The following ANKZF1 variants were observed in gnomAD, a reference collection of about 807,000 sequenced individuals.
The protein encoded by ANKZF1 is ankyrin repeat and zinc finger peptidyl tRNA hydrolase 1, also known as tRNA endonuclease ANKZF1.
A neutral mutation model predicts 86.0 loss-of-function variants in ANKZF1; 84 were observed. That is an observed-to-expected ratio of 0.98 (90% CI 0.82 to 1.17). ANKZF1 has a LOEUF of 1.17. Ranked by LOEUF, ANKZF1 falls within the 50% of genes most tolerant of loss-of-function variation. The pLI is 0.00. For missense variants in ANKZF1, 893 were observed against 918.4 expected (o/e 0.97, Z 0.36); for synonymous variants, 331 against 354.2 (o/e 0.93, Z 0.74).
intron 12 of ANKZF1, 28 bp downstream of exon 12, chr2:219,235,903 G>C: frequency 1.9e-6 from 3 of 1,613,770 alleles, no homozygotes; most frequent in Non-Finnish European, 2.5e-6. Context: ...CTTGTCCATG[G>C]CAAGGCTTCC....
Position 219,233,375 on chromosome 2 carries a change from G to A in ANKZF1, c.761G>A (p.Gly254Glu), listed in dbSNP as rs770403454. 9.3e-6 allele frequency: 15 copies of A among 1,614,218 alleles called. No individual in the cohort carries two copies. Among genetic ancestry groups the A allele is most frequent in the Non-Finnish European group, 1.2e-5 (14 of 1,180,048 alleles). Residue 254 changes from glycine to glutamate, a missense_variant, in exon 7 of 14, where the codon GGG becomes GAG. Gly to Glu is a moderately conservative substitution (Grantham distance 98). Coordinates refer to ENST00000323348, the MANE Select transcript of ANKZF1 (RefSeq NM_018089.3). Reference sequence around the variant, plus strand: ...CAGGGGCTTCGGGATGCCCGAGGTGGGCCATCACACTCTGCTGGAGCCAAC... The same window carrying A: ...CAGGGGCTTCGGGATGCCCGAGGTGAGCCATCACACTCTGCTGGAGCCAAC... ...TAQGLRDARG[G>E]PSHSAGANLR... is the part of the protein sequence containing the mutation.
chr2:219,234,099 C>A, intron 8 of ANKZF1, 34 bp from the exon 9 acceptor site: 1 of 1,598,908 alleles, frequency 6.3e-7, no homozygotes, highest in Non-Finnish European at 8.5e-7. Context: ...TTCTCCTCAG[C>A]TAAGGTTGAG....
rs760248011 is a variant in ANKZF1, at chr2:219,233,207, A to G, written c.671+16A>G. On this transcript the variant is annotated intron_variant, in intron 6 of 13. Coordinates refer to ENST00000323348, the MANE Select transcript of ANKZF1 (RefSeq NM_018089.3). The stretch of plus-strand genomic sequence containing the variant: ...TATTTCAAGGGTGAGAGGGTGCTGC[A>G]TGGGGGTAAGGATGGAGTGGATCCT... The G allele has an allele frequency of 1.9e-6, 3 of 1,614,094 alleles. No homozygotes were observed. Among genetic ancestry groups the G allele is most frequent in the African/African-American group, 2.7e-5 (2 of 74,940 alleles).
rs1223960442 is a variant in ANKZF1 at position 219,232,632 on chromosome 2, T to G, written c.507T>G (p.Asn169Lys). 6.2e-7 allele frequency: 1 copy of G among 1,614,066 alleles called. No homozygotes were observed. Among genetic ancestry groups the G allele is most frequent in the Admixed American group, 1.7e-5 (1 of 60,006 alleles). Residue 169 changes from asparagine to lysine, a missense_variant, in exon 5 of 14, where the codon AAT becomes AAG. Asn to Lys is a moderately conservative substitution (Grantham distance 94, BLOSUM62 0). Coordinates refer to ENST00000323348, the MANE Select transcript of ANKZF1 (RefSeq NM_018089.3). ...ACCCTCATCGAGTTCTTTTCCAGAA[T>G]GCCCAGGGCCAGTTTCTTTATGCCT... is the stretch of plus-strand genomic sequence containing the variant. ...GFYPHRVLFQ[N>K]AQGQFLYAYR...
At chr2:219,234,012 A>G (rs890318845) in intron 8 of ANKZF1, 69 bp downstream of exon 8, 1 of 1,526,820 alleles carries the variant, frequency 6.5e-7, no homozygotes, top group African/African-American at 1.4e-5. Flanking sequence ...CTCCATTCTC[A>G]TTGGTATATC....
chr2:219,231,838 C>T (rs1201471683), intron 2 of ANKZF1, 90 bp from the exon 3 acceptor site: 4 of 1,073,936 alleles, frequency 3.7e-6, no homozygotes, highest in Non-Finnish European at 1.4e-6. Context: ...TTGTATCCTC[C>T]TCTGCTTTGT....
intron 6 of ANKZF1, 22 bp from the exon 7 acceptor site, chr2:219,233,263 TA>T: frequency 1.9e-6 from 3 of 1,614,210 alleles, no homozygotes; most frequent in Admixed American, 3.3e-5. Flanking sequence ...TGGTCTCCAG[TA>T]CTGAGTCTGT....
intron 5 of ANKZF1, 72 bp from the exon 6 acceptor site, chr2:219,233,007 G>GA: frequency 1.5e-6 from 2 of 1,372,170 alleles, no homozygotes; most frequent in Non-Finnish European, 2.1e-6. Context: ...TAATGTTTGT[G>GA]AAAATTGGCC....
chr2:219,236,463 T>C lies in ANKZF1; in HGVS notation c.*18T>C, dbSNP rs778696307. On this transcript the variant is annotated 3_prime_UTR_variant, in exon 14 of 14. Transcript: ENST00000323348. ...CTTCCTGATCTCTTACAGCTCTACC[T>C]GGGGCCAACTCAGGGACCTGAGAGG... 1.3e-6 allele frequency: 2 copies of C among 1,558,464 alleles called. No homozygotes were observed. Among genetic ancestry groups the C allele is most frequent in the Non-Finnish European group, 1.7e-6 (2 of 1,152,470 alleles).
intron 2 of ANKZF1, 122 bp downstream of exon 2, chr2:219,230,527 G>A: frequency 7.6e-7 from 1 of 1,309,446 alleles, no homozygotes; most frequent in Non-Finnish European, 1.0e-6. Flanking sequence ...CTTTCTGCTT[G>A]ATTAAATTCA....
At chr2:219,232,777 T>C in intron 5 of ANKZF1, 94 bp downstream of exon 5, 1 of 1,349,024 alleles carries the variant, frequency 7.4e-7, no homozygotes, top group Non-Finnish European at 1.0e-6. Context: ...CTGCTTCTCT[T>C]CCTTCCTGTT....
chr2:219,232,212 G>C (rs138687448), intron 3 of ANKZF1, 48 bp from the exon 4 acceptor site: 2 of 1,587,270 alleles, frequency 1.3e-6, no homozygotes, highest in Non-Finnish European at 1.7e-6. Flanking sequence ...TACAAGGCCA[G>C]GCTGGGGCAT....
rs777913781 is a variant in ANKZF1 at position 219,233,156 on chromosome 2, T to C, written c.636T>C (p.Ala212=). 6.2e-7 allele frequency: 1 copy of C among 1,614,232 alleles called. No homozygotes were observed. Among genetic ancestry groups the C allele is most frequent in the Middle Eastern group, 1.7e-4 (1 of 6,060 alleles). The change falls in exon 6 of 14, where the codon GCT becomes GCC. Residue 212 remains alanine (A), a synonymous_variant. Transcript: ENST00000323348. The part of the protein sequence containing the change: ...RGPRDCVVLM[A]AAGHFAGAIF... ...CCAGAGACTGCGTGGTGCTCATGGC[T>C]GCAGCTGGGCACTTTGCTGGTGCTA...
chr2:219,235,927 C>T, intron 12 of ANKZF1, 52 bp downstream of exon 12: 2 of 1,613,774 alleles, frequency 1.2e-6, no homozygotes, highest in Non-Finnish European at 1.7e-6. Context: ...AGGTCTAACC[C>T]CTTCCCCAGC....
intron 5 of ANKZF1, 119 bp downstream of exon 5, chr2:219,232,802 CGCTTG>C (rs1266553008): frequency 8.9e-7 from 1 of 1,124,086 alleles, no homozygotes; most frequent in African/African-American, 1.6e-5. Flanking sequence ...GTGGGTATCA[CGCTTG>C]ACAACATAGT....
rs1169749080 is a variant in ANKZF1, at chr2:219,232,060, G to A, written c.261+20G>A. Reference sequence around the variant, plus strand: ...GAACAGGTAATAGGTCAGGTGCAGAGCTAGATGTTAGAAGCAAAAGTGTAA... The same window carrying A: ...GAACAGGTAATAGGTCAGGTGCAGAACTAGATGTTAGAAGCAAAAGTGTAA... On this transcript the variant is annotated intron_variant, in intron 3 of 13. Transcript: ENST00000323348. 1.3e-6 allele frequency: 2 copies of A among 1,578,954 alleles called. No individual in the cohort carries two copies. The highest frequency in any genetic ancestry group is 8.6e-7 in the Non-Finnish European group (1 of 1,161,364).
rs1473207265 is a variant in ANKZF1 at position 219,235,867 on chromosome 2, C to T, written c.1963C>T (p.Arg655Ter). The change falls in exon 12 of 14, where the codon CGA becomes TGA. Residue 655 changes from arginine (R) to a stop codon, truncating the protein, a stop_gained. Transcript: ENST00000323348. LOFTEE classifies it high-confidence loss of function. Reference sequence around the variant, plus strand: ...GCGGCGATTTGCCGCCCTCAGTGACCGAGAGAAGGTGAGGCTGGAGGTTCT... The same window carrying T: ...GCGGCGATTTGCCGCCCTCAGTGACTGAGAGAAGGTGAGGCTGGAGGTTCT... ...EQRRFAALSDREKRALAAERR... is the reference protein window; with the variant it reads ...EQRRFAALSD The T allele has an allele frequency of 1.1e-5, 18 of 1,614,026 alleles. No homozygotes were observed. Among genetic ancestry groups the T allele is most frequent in the African/African-American group, 5.3e-5 (4 of 74,928 alleles).
rs1470938932 is a variant in ANKZF1 at position 219,232,326 on chromosome 2, C to CT, written c.329dup (p.Ser111ValfsTer6). The stretch of plus-strand genomic sequence containing the variant: ...GCAACGTCTCAAGGACAAGCCTCTC[C>CT]TGTCTGCCCTGGACTTTGAAAAGCA... On this transcript the variant is annotated frameshift_variant, in exon 4 of 14. Transcript: ENST00000323348. LOFTEE classifies it high-confidence loss of function. 8 of 1,614,120 alleles carry CT rather than the reference C, an allele frequency of 5.0e-6. No individual in the cohort carries two copies. The highest frequency in any genetic ancestry group is 6.8e-6 in the Non-Finnish European group (8 of 1,180,056).
At position 219,233,963 on chromosome 2, in the gene ANKZF1, C is replaced by T. The variant is rs559062007; in HGVS notation, c.1048+20C>T. 55 of 1,550,984 alleles carry T rather than the reference C, an allele frequency of 3.5e-5. No individual in the cohort carries two copies. Among genetic ancestry groups the T allele is most frequent in the Middle Eastern group, 1.7e-4 (1 of 5,718 alleles). ...TCTATGGTGAGCCTTTGCTCCAGAT[C>T]CCAATTCCCTAGACCTTCCTGTTCT... On this transcript the variant is annotated intron_variant, in intron 8 of 13. Transcript: ENST00000323348.
Sources: gnomAD v4.1 joint callset for allele counts on GRCh38, gnomAD v4.1.1 for gene constraint, MANE v1.5 for transcripts, NCBI Gene and HGNC (gene_info 2026-07-23, HGNC 2026-07-21) for gene names.